The following ZNF107 variants were observed in gnomAD, a reference collection of about 807,000 sequenced individuals.
The protein encoded by ZNF107 is C2H2 type zinc-finger protein.
A neutral mutation model predicts 12.3 loss-of-function variants in ZNF107; 19 were observed. That is an observed-to-expected ratio of 1.55 (90% confidence interval 1.08 to 2.27). The LOEUF (loss-of-function observed/expected upper bound fraction) is 2.27, where lower values mean the gene tolerates loss of function less well. Among genes scored for constraint, ZNF107 ranks in the 30% most tolerant of loss-of-function variants. The pLI is 0.00. For missense variants in ZNF107, 958 were observed against 979.9 expected (o/e 0.98, Z 0.30); for synonymous variants, 317 against 330.5 (o/e 0.96, Z 0.44).
rs1790708389 is a variant in ZNF107, at chr7:64,707,554, G to A, written c.1457G>A (p.Cys486Tyr). 2 of 1,613,030 alleles carry A rather than the reference G, an allele frequency of 1.2e-6. No individual in the cohort carries two copies. The highest frequency in any genetic ancestry group is 4.5e-5 in the East Asian group (2 of 44,800). The stretch of plus-strand genomic sequence containing the variant: ...GAGAAACCATACAAATGTGAAGAAT[G>A]TGGAAAAGCTTTTAATCGATCCTCA... ...SGEKPYKCEECGKAFNRSSTL... is the reference protein window; with the variant it reads ...SGEKPYKCEEYGKAFNRSSTL... Residue 486 changes from cysteine (C) to tyrosine (Y), a missense_variant, in exon 4 of 4, where the codon TGT becomes TAT. Transcript: ENST00000620827.
chr7:64,686,596 C>T, intron 1 of ZNF107: 1 of 985,430 alleles, frequency 1.0e-6, no homozygotes, highest in Non-Finnish European at 1.2e-6. Flanking sequence ...TTATTGCCAG[C>T]AGGCCATTAT....
At position 64,709,118 on chromosome 7, in the gene ZNF107, A is replaced by G; in HGVS notation, c.*462A>G. 4.3e-6 allele frequency: 2 copies of G among 466,024 alleles called. 1 individual carries two copies. Among genetic ancestry groups the G allele is most frequent in the South Asian group, 3.3e-5 (2 of 60,562 alleles). 28.9% of individuals were successfully genotyped at this position (466,024 alleles called of 1,614,324 possible). A position where few individuals can be genotyped will look rare whatever the true frequency, so the allele number is the denominator to read the frequency against. ...CTATACAGAAATTCATACTGGAGAG[A>G]AAGCCTACAATTGTGAAGAATGTGG... On this transcript the variant is annotated 3_prime_UTR_variant, in exon 4 of 4. Transcript: ENST00000620827.
intron 1 of ZNF107, among the ~76,000 whole-genome samples, chr7:64,670,738 TTTTC>T (rs1055626473): frequency 2.0e-5 from 3 of 152,240 alleles, no homozygotes; most frequent in African/African-American, 4.8e-5. Flanking sequence ...TCCCCATCTC[TTTTC>T]TTTGTCCTAT....
At chr7:64,700,621 C>A (rs555080641) in intron 3 of ZNF107, among the ~76,000 whole-genome samples, 1 of 142,414 alleles carries the variant, frequency 7.0e-6, no homozygotes, top group Non-Finnish European at 1.5e-5. Context: ...CTCACTGCAA[C>A]CTCAGCCTCC....
intron 3 of ZNF107, among the ~76,000 whole-genome samples, chr7:64,694,539 G>A (rs1444815064): frequency 6.7e-6 from 1 of 149,244 alleles, no homozygotes; most frequent in Non-Finnish European, 1.5e-5. Context: ...GTTTTTAAAG[G>A]CACTTATTTT....
At chr7:64,675,996 C>T (rs1249697624) in intron 1 of ZNF107, among the ~76,000 whole-genome samples, 1 of 152,092 alleles carries the variant, frequency 6.6e-6, no homozygotes, top group Non-Finnish European at 1.5e-5. Context: ...GGATTACAGG[C>T]ATGCACCACC....
chr7:64,677,830 C>T (rs1219275502), intron 1 of ZNF107, among the ~76,000 whole-genome samples: 7 of 114,064 alleles, frequency 6.1e-5, no homozygotes, highest in Admixed American at 2.6e-4. Flanking sequence ...CCAGCCTGGG[C>T]GACAGAGCAA....
In ZNF107 at chr7:64,689,929, CAAG is replaced by C. The variant is rs1162471247; in HGVS notation, c.4-1318_4-1316del. The C allele has an allele frequency of 4.6e-5, 7 of 152,268 alleles. No homozygotes were observed. The East Asian group carries it at 1.4e-3, about 29-fold the overall frequency. 9.4% of individuals were successfully genotyped at this position (152,268 alleles called of 1,614,324 possible). ...AGTTTCCTGATAGTTGGATGAAAAA[CAAG>C]GAGGAGGTCTGGAGACTCAAGCAGA... On this transcript the variant is annotated intron_variant, in intron 1 of 3. Coordinates refer to ENST00000620827, the MANE Select transcript of ZNF107 (RefSeq NM_001282359.2).
At chr7:64,684,238 C>G (rs1210767212) in intron 1 of ZNF107, among the ~76,000 whole-genome samples, 3 of 152,178 alleles carry the variant, frequency 2.0e-5, no homozygotes, top group African/African-American at 7.2e-5. Context: ...TATGGTAGTA[C>G]TTTTCTACTG....
chr7:64,702,781 T>C (rs1323053234), intron 3 of ZNF107, among the ~76,000 whole-genome samples: 1 of 151,416 alleles, frequency 6.6e-6, no homozygotes, highest in East Asian at 2.0e-4. Context: ...GTTCTCGAAC[T>C]CTCCCGACCT....
rs1037539425 is a variant in ZNF107, at chr7:64,711,551, C to T, written c.*2895C>T. 6.8e-5 allele frequency: 9 copies of T among 132,704 alleles called. No individual in the cohort carries two copies. The highest frequency in any genetic ancestry group is 1.1e-4 in the Non-Finnish European group (7 of 63,018). The allele number at this position is 132,704 out of a possible 1,614,324, so 8.2% of individuals were successfully genotyped here. ...AGTATAAATAAACCATGAGAAAATT[C>T]TGAGTTCTGAATAAACATTTAAAAA... On this transcript the variant is annotated 3_prime_UTR_variant, in exon 4 of 4. Transcript: ENST00000620827.
intron 3 of ZNF107, among the ~76,000 whole-genome samples, chr7:64,697,201 T>C (rs995480619): frequency 2.0e-5 from 3 of 152,268 alleles, no homozygotes; most frequent in Non-Finnish European, 4.4e-5. Flanking sequence ...CCACATTTTC[T>C]TAGTCCAGTC....
chr7:64,705,764 T>G (rs1790618418), intron 3 of ZNF107, among the ~76,000 whole-genome samples: 2 of 151,542 alleles, frequency 1.3e-5, no homozygotes, highest in Admixed American at 6.6e-5. Context: ...AATCACTTGC[T>G]ACAACTGTTA....
intron 1 of ZNF107, among the ~76,000 whole-genome samples, chr7:64,680,366 C>A (rs1789608428): frequency 6.6e-6 from 1 of 152,176 alleles, no homozygotes; most frequent in Non-Finnish European, 1.5e-5. Flanking sequence ...CACTTCTACA[C>A]TCACTCCTGA....
At chr7:64,674,599 G>A (rs539256738) in intron 1 of ZNF107, among the ~76,000 whole-genome samples, 27 of 152,144 alleles carry the variant, frequency 1.8e-4, no homozygotes, top group Middle Eastern at 6.8e-3. Context: ...TATTTTTGTC[G>A]CTTGCCTGAT....
chr7:64,680,733 A>T (rs1789629966), intron 1 of ZNF107, among the ~76,000 whole-genome samples: 1 of 152,164 alleles, frequency 6.6e-6, no homozygotes, highest in Admixed American at 6.5e-5. Context: ...TTAGAAAAAA[A>T]CTTCAAAAAT....
chr7:64,685,060 A>G (rs1211865682), intron 1 of ZNF107, among the ~76,000 whole-genome samples: 2 of 152,190 alleles, frequency 1.3e-5, no homozygotes, highest in Admixed American at 6.5e-5. Flanking sequence ...ACTCCTACAT[A>G]TGCAGTCATT....
At chr7:64,679,275 C>T (rs2128958440) in intron 1 of ZNF107, 2 of 985,014 alleles carry the variant, frequency 2.0e-6, no homozygotes, top group South Asian at 9.4e-5. Context: ...TTGAAGAGAC[C>T]CACCCGCGAC....
chr7:64,672,231 T>A (rs1222759080), intron 1 of ZNF107, among the ~76,000 whole-genome samples: 1 of 152,238 alleles, frequency 6.6e-6, no homozygotes, highest in Admixed American at 6.5e-5. Flanking sequence ...CTATGGCTAA[T>A]GGTCTCCAGC....
Sources: allele counts gnomAD v4.1 joint callset (sites outside exome capture counted in the v4.1 genomes callset), GRCh38; gene constraint gnomAD v4.1.1; transcripts MANE v1.5; gene names NCBI Gene and HGNC (gene_info 2026-07-23, HGNC 2026-07-21).